PYHIN1: variants seen among roughly 807,000 people sequenced by gnomAD.
The protein encoded by PYHIN1 is pyrin and HIN domain family member 1, also known as pyrin and HIN domain-containing protein 1.
In PYHIN1, 32 loss-of-function variants were observed where a neutral mutation model predicts 43.7. That is an observed-to-expected ratio of 0.73 (90% confidence interval 0.55 to 0.98). The LOEUF is 0.98. Ranked by LOEUF, PYHIN1 falls within the 50% of genes least tolerant of loss-of-function variation. The pLI is 0.00. For synonymous variants in PYHIN1, 205 were observed against 203.1 expected, an observed-to-expected ratio of 1.01 and a Z score of -0.08; for missense variants, 588 against 589.5, an observed-to-expected ratio of 1.00 and a Z score of 0.03.
intron 7 of PYHIN1, among the ~76,000 whole-genome samples, chr1:158,953,618 G>C (rs1161826678): frequency 6.6e-6 from 1 of 151,894 alleles, no homozygotes; most frequent in African/African-American, 2.4e-5. Context: ...CATCATCAAA[G>C]ACCAAAAGTA....
intron 8 of PYHIN1, 39 bp downstream of exon 8, chr1:158,973,810 A>C (rs762007794): frequency 6.2e-7 from 1 of 1,604,876 alleles, no homozygotes; most frequent in Non-Finnish European, 8.5e-7. Context: ...CCTCTAAAAT[A>C]TAATTGTAGG....
chr1:158,971,893 T>G (rs1361846528), intron 7 of PYHIN1, among the ~76,000 whole-genome samples: 1 of 151,682 alleles, frequency 6.6e-6, no homozygotes, highest in East Asian at 1.9e-4. Flanking sequence ...AATGTGCAGG[T>G]GAAGAGGTTA....
At chr1:158,945,273 T>A in intron 7 of PYHIN1, 2 of 389,684 alleles carry the variant, frequency 5.1e-6, no homozygotes, top group Non-Finnish European at 9.1e-6. Flanking sequence ...AGGGCTAGTA[T>A]CTTGTCTTGC....
rs758393003 is a variant in PYHIN1, at chr1:158,939,084, GA to G, written c.423del (p.Lys141AsnfsTer55). The G allele has an allele frequency of 5.7e-6, 9 of 1,578,738 alleles. No individual in the cohort carries two copies. In the East Asian group the frequency reaches 1.3e-4, roughly 24 times the overall value. On this transcript the variant is annotated frameshift_variant, in exon 4 of 9. Transcript: ENST00000368140. LOFTEE classifies it high-confidence loss of function. ...GAEETLGPQK[R>X]KKPSEEETGT... ...AGAAAAATAAACTACTTGTAGAAAAGAAAAAAACCATCTGAAGAAGAGACTG... is the reference window on the plus strand; with the variant it reads ...AGAAAAATAAACTACTTGTAGAAAAGAAAAAACCATCTGAAGAAGAGACTG...
chr1:158,968,485 T>C (rs1036963610), intron 7 of PYHIN1, among the ~76,000 whole-genome samples: 35 of 152,076 alleles, frequency 2.3e-4, no homozygotes, highest in African/African-American at 8.4e-4. Flanking sequence ...AACACTTATA[T>C]ACTGCCAGTG....
intron 7 of PYHIN1, among the ~76,000 whole-genome samples, chr1:158,964,748 G>A (rs1401605205): frequency 6.6e-6 from 1 of 152,170 alleles, no homozygotes; most frequent in African/African-American, 2.4e-5. Flanking sequence ...CACTAAGTAT[G>A]AAAAGGAAAG....
At position 158,944,926 on chromosome 1, in the gene PYHIN1, C is replaced by A. The variant is rs1374286563; in HGVS notation, c.1243C>A (p.Pro415Thr). The part of the protein sequence containing the change: ...RSHDSRSMAL[P>T]QEQSQHPKPS... ...CCATGACTCCAGGAGCATGGCACTA[C>A]CCCAGGAACAGAGTCAGCATCCAAA... is the stretch of plus-strand genomic sequence containing the variant. The change falls in exon 7 of 9, where the codon CCC becomes ACC. Residue 415 changes from proline (P) to threonine (T), a missense_variant. Pro to Thr is a conservative substitution (Grantham distance 38). Transcript: ENST00000368140. The A allele has an allele frequency of 6.8e-6, 11 of 1,613,370 alleles. No individual in the cohort carries two copies. The highest frequency in any genetic ancestry group is 9.3e-6 in the Non-Finnish European group (11 of 1,179,678).
intron 7 of PYHIN1, among the ~76,000 whole-genome samples, chr1:158,971,148 C>T (rs559404393): frequency 6.6e-6 from 1 of 152,082 alleles, no homozygotes; most frequent in South Asian, 2.1e-4. Context: ...CACAAGATGG[C>T]TAGGGTTTGT....
the PYHIN1 span, among the ~76,000 whole-genome samples, chr1:158,989,826 A>C: frequency 1.3e-5 from 2 of 152,270 alleles, no homozygotes; most frequent in East Asian, 3.9e-4. Context: ...TTAAAGGACC[A>C]TCTTCCTTTT....
At chr1:158,959,183 C>T (rs887510191) in intron 7 of PYHIN1, among the ~76,000 whole-genome samples, 1 of 152,084 alleles carries the variant, frequency 6.6e-6, no homozygotes, top group Non-Finnish European at 1.5e-5. Flanking sequence ...CCTGACCCAA[C>T]GACGGATGAA....
rs1349241629 is a variant in PYHIN1, at chr1:158,945,059, C to T, written c.1359+17C>T. On this transcript the variant is annotated intron_variant, in intron 7 of 8. Transcript: ENST00000368140. ...TTCACCAAGGTACAATATCCTGGGT[C>T]CCATGACTCTTATCTCCCAAATATA... 8.8e-6 allele frequency: 14 copies of T among 1,597,096 alleles called. No homozygotes were observed. Among genetic ancestry groups the T allele is most frequent in the Non-Finnish European group, 1.2e-5 (14 of 1,172,452 alleles).
intron 7 of PYHIN1, among the ~76,000 whole-genome samples, chr1:158,948,720 G>A (rs944939140): frequency 1.3e-5 from 2 of 152,166 alleles, no homozygotes; most frequent in African/African-American, 4.8e-5. Context: ...GGCTATAAGT[G>A]TGCCTACGAA....
intron 7 of PYHIN1, among the ~76,000 whole-genome samples, chr1:158,946,000 T>C (rs1269724658): frequency 1.3e-5 from 2 of 152,354 alleles, no homozygotes; most frequent in East Asian, 1.9e-4. Context: ...TCCAGCCCTA[T>C]TGAAATGTAA....
In PYHIN1 at chr1:158,938,562, G is replaced by T; in HGVS notation, c.411+20G>T. The T allele has an allele frequency of 6.2e-7, 1 of 1,613,076 alleles. No individual in the cohort carries two copies. Among genetic ancestry groups the T allele is most frequent in the Non-Finnish European group, 8.5e-7 (1 of 1,179,546 alleles). On this transcript the variant is annotated intron_variant, in intron 3 of 8. Coordinates refer to ENST00000368140, the MANE Select transcript of PYHIN1 (RefSeq NM_152501.5). ...CCTCAGGTAAGCTTCAGGAAGAGGA[G>T]CAGGCTTCAAGTCTCACAGTGGAAG... is the stretch of plus-strand genomic sequence containing the variant.
intron 7 of PYHIN1, among the ~76,000 whole-genome samples, chr1:158,946,416 C>G (rs932245571): frequency 6.6e-6 from 1 of 152,144 alleles, no homozygotes; most frequent in African/African-American, 2.4e-5. Context: ...TGCAAATGCT[C>G]AAGTAGATTG....
At chr1:158,961,319 C>T (rs986295678) in intron 7 of PYHIN1, among the ~76,000 whole-genome samples, 3 of 152,064 alleles carry the variant, frequency 2.0e-5, no homozygotes, top group African/African-American at 7.2e-5. Flanking sequence ...TTCTTCCTTA[C>T]ACTAACTTGA....
chr1:158,986,699 C>T, the PYHIN1 span, among the ~76,000 whole-genome samples: 1 of 152,310 alleles, frequency 6.6e-6, no homozygotes, highest in Admixed American at 6.5e-5. Flanking sequence ...CCAGCCCTTG[C>T]AGCCAACAAA....
Position 158,942,398 on chromosome 1 carries a change from C to T in PYHIN1, c.1001C>T (p.Thr334Met), listed in dbSNP as rs568353781. 64 of 1,569,866 alleles carry T rather than the reference C, an allele frequency of 4.1e-5. No individual in the cohort carries two copies. Among genetic ancestry groups the T allele is most frequent in the African/African-American group, 1.6e-4 (12 of 73,080 alleles). ...YIVYGLFMLH[T>M]KIVNRKTTIY... The stretch of plus-strand genomic sequence containing the variant: ...GTATATGGATTATTTATGCTACATA[C>T]GGTAAGGCATCAAAGCTATTTTGTG... The change falls in exon 5 of 9, where the codon ACG (threonine) becomes ATG (methionine). Residue 334 changes from threonine (T) to methionine (M), a missense_variant and splice_region_variant. Coordinates refer to ENST00000368140, the MANE Select transcript of PYHIN1 (RefSeq NM_152501.5).
chr1:158,980,079 G>A (rs1308732446), downstream of PYHIN1, among the ~76,000 whole-genome samples: 1 of 152,176 alleles, frequency 6.6e-6, no homozygotes, highest in African/African-American at 2.4e-5. Context: ...CAGGAAGTCA[G>A]GGACCCCAAA....
Sources: gnomAD v4.1 joint callset for allele counts (sites outside exome capture counted in the v4.1 genomes callset) on GRCh38, gnomAD v4.1.1 for gene constraint, MANE v1.5 for transcripts, NCBI Gene and HGNC (gene_info 2026-07-23, HGNC 2026-07-21) for gene names.